The following ENPP1 variants were observed in gnomAD, a reference collection of about 807,000 sequenced individuals.
ENPP1 encodes the protein ectonucleotide pyrophosphatase/phosphodiesterase family member 1.
Under a neutral mutation model 122.8 loss-of-function variants are expected in ENPP1, and 73 were observed. The observed-to-expected ratio is 0.59, with a 90% CI of 0.49 to 0.72. The LOEUF (loss-of-function observed/expected upper bound fraction) is 0.72, where lower values mean the gene tolerates loss of function less well. ENPP1 is among the 30% of genes least tolerant of loss of function. ENPP1 has a pLI of 0.00. For synonymous variants in ENPP1, 367 were observed against 391.6 expected (o/e 0.94, Z 0.74); for missense variants, 978 against 1,128.1 (o/e 0.87, Z 1.91).
At chr6:131,809,661 A>T (rs907596157) in intron 1 of ENPP1, among the ~76,000 whole-genome samples, 1 of 152,254 alleles carries the variant, frequency 6.6e-6, no homozygotes, top group Non-Finnish European at 1.5e-5. Flanking sequence ...GGTGTTTCAC[A>T]CACGATGAGG....
intron 1 of ENPP1, among the ~76,000 whole-genome samples, chr6:131,835,424 G>T (rs774384067): frequency 6.6e-6 from 1 of 152,150 alleles, no homozygotes; most frequent in Non-Finnish European, 1.5e-5. Context: ...AATATCAGGC[G>T]TACTAAAATA....
chr6:131,827,922 G>T (rs1781565283), intron 1 of ENPP1: 1 of 1,133,130 alleles, frequency 8.8e-7, no homozygotes, highest in Non-Finnish European at 1.3e-6. Context: ...GGGTGCAGGT[G>T]GTCCGTGGAG....
At chr6:131,858,603 T>G in intron 6 of ENPP1, 65 bp from the exon 7 acceptor site, 1 of 1,046,102 alleles carries the variant, frequency 9.6e-7, no homozygotes, top group East Asian at 2.5e-5. Context: ...GTGGTACCAC[T>G]GCTAAATGAG....
intron 1 of ENPP1, chr6:131,826,796 G>A (rs913785593): frequency 3.3e-5 from 14 of 427,672 alleles, no homozygotes; most frequent in East Asian, 1.1e-4. Context: ...CCTGAAAGCC[G>A]TCTAACTGCA....
At chr6:131,833,289 C>G (rs977979312) in intron 1 of ENPP1, among the ~76,000 whole-genome samples, 1 of 150,926 alleles carries the variant, frequency 6.6e-6, no homozygotes, top group Non-Finnish European at 1.5e-5. Context: ...ATTTGTAGTT[C>G]TTTGATTTTT....
Position 131,851,146 on chromosome 6 carries a change from T to C in ENPP1, c.435T>C (p.His145=). 6.2e-7 allele frequency: 1 copy of C among 1,614,042 alleles called. No individual in the cohort carries two copies. Among genetic ancestry groups the C allele is most frequent in the Non-Finnish European group, 8.5e-7 (1 of 1,179,920 alleles). Reference sequence around the variant, plus strand: ...TTTGCTGATGTTTGTTTCTAGAACATATATGGACTTGCAACAAATTCAGGT... The same window carrying C: ...TTTGCTGATGTTTGTTTCTAGAACACATATGGACTTGCAACAAATTCAGGT... The part of the protein sequence containing the change: ...DYQETCIEPE[H]IWTCNKFRCG... Residue 145 remains histidine (H), a synonymous_variant, in exon 4 of 25, where the codon CAT becomes CAC. Transcript: ENST00000647893.
At chr6:131,866,007 A>AAGAG (rs1554203829) in intron 11 of ENPP1, among the ~76,000 whole-genome samples, 10,609 of 150,402 alleles carry the variant, frequency 0.071, 997 homozygotes, top group African/African-American at 0.21. Context: ...AAAAAAAAAA[A>AAGAG]AGAGAAAAAG....
rs377740354 is a variant in ENPP1, at chr6:131,839,561, G to A, written c.241-8215G>A. On this transcript the variant is annotated intron_variant, in intron 1 of 24. Transcript: ENST00000647893. ...CTCTGGGTCACTAATACCCACATTAGTCCTGTGGTTGTCCTGTGTACTGAT... is the reference window on the plus strand; with the variant it reads ...CTCTGGGTCACTAATACCCACATTAATCCTGTGGTTGTCCTGTGTACTGAT... 9.7e-4 allele frequency among the ~76,000 whole-genome samples: 147 copies of A among 152,282 alleles called. 6 individuals carry two copies. The South Asian group carries it at 0.029, about 30-fold the overall frequency.
chr6:131,837,565 ACAAAC>A (rs1376685908), intron 1 of ENPP1, among the ~76,000 whole-genome samples: 13 of 151,642 alleles, frequency 8.6e-5, no homozygotes, highest in African/African-American at 2.9e-4. Flanking sequence ...AACCAAACAA[ACAAAC>A]CAAAGTTTAT....
At chr6:131,809,236 A>G (rs980043065) in intron 1 of ENPP1, among the ~76,000 whole-genome samples, 1 of 152,234 alleles carries the variant, frequency 6.6e-6, no homozygotes, top group Non-Finnish European at 1.5e-5. Flanking sequence ...ACAGATTTCT[A>G]TGTATAGTGT....
chr6:131,824,834 G>A (rs1313218121), intron 1 of ENPP1, among the ~76,000 whole-genome samples: 2 of 152,164 alleles, frequency 1.3e-5, no homozygotes, highest in Non-Finnish European at 2.9e-5. Flanking sequence ...GCTGAGGCCG[G>A]CAGATCACTT....
At chr6:131,848,534 T>C (rs1781842282) in intron 2 of ENPP1, among the ~76,000 whole-genome samples, 1 of 152,170 alleles carries the variant, frequency 6.6e-6, no homozygotes, top group Non-Finnish European at 1.5e-5. Context: ...TTAAAAAATT[T>C]TTAGTGATTA....
At chr6:131,854,276 GGTGGT>G (rs1426808679) in intron 5 of ENPP1, among the ~76,000 whole-genome samples, 2 of 152,010 alleles carry the variant, frequency 1.3e-5, no homozygotes, top group African/African-American at 4.8e-5. Flanking sequence ...AGCCAGGCAT[GGTGGT>G]GCGTGTTTGT....
intron 1 of ENPP1, among the ~76,000 whole-genome samples, chr6:131,833,585 A>C (rs1781638623): frequency 6.6e-6 from 1 of 152,200 alleles, no homozygotes; most frequent in African/African-American, 2.4e-5. Flanking sequence ...CAAAATTGTA[A>C]AAATATTTGC....
At position 131,811,362 on chromosome 6, in the gene ENPP1, C is replaced by CTATATCTATATCTA. The variant is rs1372765687; in HGVS notation, c.240+3105_240+3118dup. The stretch of plus-strand genomic sequence containing the variant: ...AAGAGTTCTTTAAAAAAACATATAT[C>CTATATCTATATCTA]TATATCTATATCTATATATCTATAT... On this transcript the variant is annotated intron_variant, in intron 1 of 24. Transcript: ENST00000647893. Among the ~76,000 whole-genome samples, 13 of 134,218 alleles carry CTATATCTATATCTA rather than the reference C, an allele frequency of 9.7e-5. No individual in the cohort carries two copies. The South Asian group carries it at 1.4e-3, about 15-fold the overall frequency. The allele number at this position is 134,218 out of a possible 152,430, so 88.1% of individuals were successfully genotyped here.
intron 1 of ENPP1, among the ~76,000 whole-genome samples, chr6:131,832,421 G>A (rs1478978141): frequency 1.3e-5 from 2 of 152,148 alleles, no homozygotes; most frequent in African/African-American, 4.8e-5. Flanking sequence ...TATTCCCTCA[G>A]AATGAAGCTG....
intron 1 of ENPP1, among the ~76,000 whole-genome samples, chr6:131,818,474 G>A (rs915370546): frequency 2.0e-5 from 3 of 151,914 alleles, no homozygotes; most frequent in African/African-American, 7.3e-5. Context: ...GTGAAATGCC[G>A]TCTCTACTAA....
intron 1 of ENPP1, among the ~76,000 whole-genome samples, chr6:131,818,046 G>A (rs999520866): frequency 6.6e-6 from 1 of 152,044 alleles, no homozygotes; most frequent in African/African-American, 2.4e-5. Context: ...TGTTCCTAAA[G>A]ATGTGTTTCC....
At chr6:131,889,907 A>G (rs1585848210) in intron 24 of ENPP1, among the ~76,000 whole-genome samples, 1 of 152,252 alleles carries the variant, frequency 6.6e-6, no homozygotes, top group Admixed American at 6.5e-5. Context: ...ACTCCCACCA[A>G]CAGTGTAAAA....
Sources: gnomAD v4.1 joint callset for allele counts (sites outside exome capture counted in the v4.1 genomes callset) on GRCh38, gnomAD v4.1.1 for gene constraint, MANE v1.5 for transcripts, NCBI Gene and HGNC (gene_info 2026-07-23, HGNC 2026-07-21) for gene names.